POFUT3: variants seen among roughly 807,000 people sequenced by gnomAD.
POFUT3 encodes the protein GDP-fucose protein O-fucosyltransferase 3.
At chr8:33,458,390 T>C in the POFUT3 span, among the ~76,000 whole-genome samples, 1 of 152,210 alleles carries the variant, frequency 6.6e-6, no homozygotes, top group East Asian at 1.9e-4. Flanking sequence ...CTTTACCCTA[T>C]TCATATGGCA....
chr8:33,357,282 T>C, the POFUT3 span, among the ~76,000 whole-genome samples: 2 of 152,124 alleles, frequency 1.3e-5, no homozygotes, highest in East Asian at 3.9e-4. Flanking sequence ...ATTTTCACAA[T>C]ATTGATTCTT....
the POFUT3 span, chr8:33,338,899 T>A: frequency 6.6e-6 from 1 of 152,142 alleles, no homozygotes; most frequent in Non-Finnish European, 1.5e-5. Flanking sequence ...AAAATTGGAA[T>A]GATACAGAGA....
the POFUT3 span, among the ~76,000 whole-genome samples, chr8:33,456,831 C>T: frequency 9.0e-5 from 13 of 144,934 alleles, no homozygotes; most frequent in African/African-American, 3.1e-4. Context: ...TGCAGTGGTA[C>T]AATCTCGGCT....
At chr8:33,363,636 A>G in the POFUT3 span, among the ~76,000 whole-genome samples, 1 of 152,232 alleles carries the variant, frequency 6.6e-6, no homozygotes, top group African/African-American at 2.4e-5. Context: ...AGAATACTAT[A>G]AACACCTCTA....
the POFUT3 span, among the ~76,000 whole-genome samples, chr8:33,437,442 G>GA: frequency 7.3e-5 from 11 of 150,190 alleles, no homozygotes; most frequent in East Asian, 2.0e-4. Context: ...TATTGGAGGG[G>GA]AAAAAAAAAC....
the POFUT3 span, among the ~76,000 whole-genome samples, chr8:33,445,664 C>T: frequency 6.6e-6 from 1 of 152,126 alleles, no homozygotes; most frequent in African/African-American, 2.4e-5. Flanking sequence ...CATTCTAGAA[C>T]TGAATGTTGA....
chr8:33,411,179 T>C, the POFUT3 span, among the ~76,000 whole-genome samples: 6 of 152,244 alleles, frequency 3.9e-5, no homozygotes, highest in South Asian at 1.2e-3. Context: ...AATGACGTTA[T>C]GAGAAAAATA....
the POFUT3 span, chr8:33,453,507 T>C: frequency 1.2e-6 from 2 of 1,602,486 alleles, no homozygotes; most frequent in South Asian, 1.1e-5. Flanking sequence ...AGCTCAACCA[T>C]GACCTAAAAG....
the POFUT3 span, among the ~76,000 whole-genome samples, chr8:33,466,997 T>A: frequency 6.6e-6 from 1 of 151,762 alleles, no homozygotes; most frequent in African/African-American, 2.4e-5. Flanking sequence ...CCCAGCTACT[T>A]GGGAGGCTGA....
At chr8:33,327,031 GCGTC>G in the POFUT3 span, among the ~76,000 whole-genome samples, 1 of 152,146 alleles carries the variant, frequency 6.6e-6, no homozygotes, top group Non-Finnish European at 1.5e-5. Context: ...TCCTGTCTCT[GCGTC>G]CCAAAGTGCT....
the POFUT3 span, among the ~76,000 whole-genome samples, chr8:33,380,219 ATATATATATAC>A: frequency 2.3e-5 from 2 of 87,488 alleles, no homozygotes; most frequent in African/African-American, 1.1e-4. Flanking sequence ...TATATACTAT[ATATATATATAC>A]TATATATATA....
At chr8:33,316,548 C>T in the POFUT3 span, among the ~76,000 whole-genome samples, 2 of 147,144 alleles carry the variant, frequency 1.4e-5, no homozygotes, top group African/African-American at 5.1e-5. Flanking sequence ...TGGCAAAACC[C>T]CATCTCTACT....
the POFUT3 span, among the ~76,000 whole-genome samples, chr8:33,334,919 C>T: frequency 6.6e-6 from 1 of 152,306 alleles, no homozygotes; most frequent in East Asian, 1.9e-4. Flanking sequence ...CACAGTGACA[C>T]CTGCTGGTGA....
At chr8:33,417,799 G>A in the POFUT3 span, among the ~76,000 whole-genome samples, 2 of 152,138 alleles carry the variant, frequency 1.3e-5, no homozygotes, top group African/African-American at 2.4e-5. Flanking sequence ...GACAGGAAAC[G>A]TCTAAGGCAA....
the POFUT3 span, among the ~76,000 whole-genome samples, chr8:33,337,829 T>C: frequency 1.3e-5 from 2 of 152,144 alleles, no homozygotes; most frequent in Admixed American, 1.3e-4. Context: ...CAATGGAAAA[T>C]TATGTTTCCA....
At chr8:33,347,653 G>T in the POFUT3 span, among the ~76,000 whole-genome samples, 1 of 152,214 alleles carries the variant, frequency 6.6e-6, no homozygotes, top group Admixed American at 6.5e-5. Flanking sequence ...TTCATTGATG[G>T]ATTCTGCCGG....
chr8:33,457,916 T>C, the POFUT3 span, among the ~76,000 whole-genome samples: 1 of 152,056 alleles, frequency 6.6e-6, no homozygotes, highest in Non-Finnish European at 1.5e-5. Flanking sequence ...TATTTTCATG[T>C]TTAGATTAAT....
At chr8:33,372,327 A>C in the POFUT3 span, 1 of 1,241,490 alleles carries the variant, frequency 8.1e-7, no homozygotes, top group Non-Finnish European at 1.0e-6. Context: ...ATGTGGGTCC[A>C]CAGACACGGA....
chr8:33,420,810 A>G, the POFUT3 span, among the ~76,000 whole-genome samples: 5 of 152,186 alleles, frequency 3.3e-5, no homozygotes, highest in Admixed American at 3.3e-4. Context: ...GAACATTCCC[A>G]ATACAAAAAA....
Sources: allele counts gnomAD v4.1 joint callset (sites outside exome capture counted in the v4.1 genomes callset), GRCh38; gene constraint gnomAD v4.1.1; transcripts MANE v1.5; gene names NCBI Gene and HGNC (gene_info 2026-07-23, HGNC 2026-07-21).